ARMH3: variants seen among roughly 807,000 people sequenced by gnomAD.
ARMH3 encodes armadillo-like helical domain-containing protein 3.
Under a neutral mutation model 99.1 loss-of-function variants are expected in ARMH3, and 60 were observed. That is an observed-to-expected ratio of 0.61 (90% CI 0.49 to 0.75). ARMH3 has a LOEUF of 0.75. ARMH3 is among the 30% of genes least tolerant of loss of function. ARMH3 has a pLI of 0.00. For synonymous variants in ARMH3, 285 were observed against 292.8 expected (o/e 0.97, Z 0.27); for missense variants, 679 against 843.1 (o/e 0.81, Z 2.41).
intron 24 of ARMH3, among the ~76,000 whole-genome samples, chr10:101,851,807 T>A (rs1163597011): frequency 6.6e-6 from 1 of 152,200 alleles, no homozygotes; most frequent in Non-Finnish European, 1.5e-5. Context: ...CTCTACAAGA[T>A]CATTTTGCCT....
At chr10:101,961,488 A>G (rs1253187819) in intron 20 of ARMH3, among the ~76,000 whole-genome samples, 1 of 152,196 alleles carries the variant, frequency 6.6e-6, no homozygotes, top group African/African-American at 2.4e-5. Context: ...TATGGGTATA[A>G]ACAATTAATA....
chr10:102,023,795 GA>G (rs1193073287), intron 6 of ARMH3, 46 bp from the exon 7 acceptor site: 2 of 1,535,326 alleles, frequency 1.3e-6, no homozygotes, highest in African/African-American at 2.7e-5. Flanking sequence ...GAGGTATTCT[GA>G]TATCTTGTGT....
chr10:101,940,743 G>T (rs569987111), intron 22 of ARMH3, among the ~76,000 whole-genome samples: 1 of 152,120 alleles, frequency 6.6e-6, no homozygotes, highest in Non-Finnish European at 1.5e-5. Context: ...CCTGCAAAAT[G>T]AATCTACAAG....
intron 19 of ARMH3, among the ~76,000 whole-genome samples, chr10:101,980,367 C>T (rs573569788): frequency 2.0e-5 from 3 of 152,164 alleles, no homozygotes; most frequent in South Asian, 2.1e-4. Context: ...GGCATGATCT[C>T]GGCTCACTGC....
chr10:102,048,784 T>C (rs1298125709), intron 1 of ARMH3, among the ~76,000 whole-genome samples: 1 of 152,176 alleles, frequency 6.6e-6, no homozygotes, highest in Non-Finnish European at 1.5e-5. Flanking sequence ...CCAGTAAGTC[T>C]CCTGTCCTGA....
intron 2 of ARMH3, among the ~76,000 whole-genome samples, chr10:102,036,145 C>T (rs2067255902): frequency 6.6e-6 from 1 of 150,448 alleles, no homozygotes; most frequent in African/African-American, 2.4e-5. Context: ...GCCAGCCGCC[C>T]CATCCGGGAG....
chr10:101,847,457 C>T lies in ARMH3; in HGVS notation c.*71G>A. On this transcript the variant is annotated 3_prime_UTR_variant, in exon 26 of 26. Transcript: ENST00000370033. ...CCAACCTCGGGGGCAGCCCCCTCTC[C>T]CCTCGCTCCCCCTCCAGCCCATGAT... is the stretch of plus-strand genomic sequence containing the variant. 2.7e-6 allele frequency: 4 copies of T among 1,490,740 alleles called. No individual in the cohort carries two copies. Among genetic ancestry groups the T allele is most frequent in the South Asian group, 1.1e-5 (1 of 88,184 alleles). 92.3% of individuals were successfully genotyped at this position (1,490,740 alleles called of 1,614,324 possible).
intron 23 of ARMH3, among the ~76,000 whole-genome samples, chr10:101,910,772 G>A (rs537085783): frequency 1.3e-5 from 2 of 149,568 alleles, no homozygotes; most frequent in South Asian, 4.2e-4. Context: ...GTAATACAAG[G>A]GGATGATTTT....
intron 23 of ARMH3, among the ~76,000 whole-genome samples, chr10:101,891,475 G>A (rs1043933271): frequency 6.6e-6 from 1 of 152,150 alleles, no homozygotes; most frequent in African/African-American, 2.4e-5. Context: ...GGGATTACAG[G>A]TGTGAGCCAC....
chr10:101,887,712 T>A (rs1478296005), intron 24 of ARMH3, among the ~76,000 whole-genome samples: 1 of 150,292 alleles, frequency 6.7e-6, no homozygotes, highest in South Asian at 2.1e-4. Context: ...GGATTACAAG[T>A]GTGAGCCACC....
intron 22 of ARMH3, among the ~76,000 whole-genome samples, chr10:101,949,362 A>G (rs1844690517): frequency 6.6e-6 from 1 of 151,936 alleles, no homozygotes; most frequent in Non-Finnish European, 1.5e-5. Context: ...GAAAAAAAAA[A>G]AGAGAAAATA....
chr10:102,046,810 A>G (rs2067564988), intron 1 of ARMH3, among the ~76,000 whole-genome samples: 1 of 152,204 alleles, frequency 6.6e-6, no homozygotes, highest in South Asian at 2.1e-4. Context: ...ATCTATACAT[A>G]AACAAAGCTG....
Position 102,001,994 on chromosome 10 carries a change from G to T in ARMH3, c.1127C>A (p.Ser376Ter). 1 of 1,614,076 alleles carries T rather than the reference G, an allele frequency of 6.2e-7. No individual in the cohort carries two copies. The highest frequency in any genetic ancestry group is 1.1e-5 in the South Asian group (1 of 91,074). The stretch of plus-strand genomic sequence containing the variant: ...ACCTTTGGTGTCCTGCATGACAATT[G>T]AGCTATACTTTAAAAAGGTTATCAG... ...NLLITFLKYS[S>*]IVMQDTKDEH... The change falls in exon 15 of 26, where the codon TCA (serine) becomes TAA (stop). Residue 376 changes from serine (S) to a stop codon, truncating the protein, a stop_gained. Coordinates refer to ENST00000370033, the MANE Select transcript of ARMH3 (RefSeq NM_024541.3). LOFTEE classifies it high-confidence loss of function.
chr10:101,957,517 G>A (rs918756770), intron 21 of ARMH3, 133 bp downstream of exon 21: 11 of 946,912 alleles, frequency 1.2e-5, no homozygotes, highest in East Asian at 8.4e-5. Flanking sequence ...GTCCAGATTC[G>A]GATCCAAAAA....
At chr10:101,942,121 A>G (rs553396353) in intron 22 of ARMH3, among the ~76,000 whole-genome samples, 1 of 152,314 alleles carries the variant, frequency 6.6e-6, no homozygotes, top group East Asian at 1.9e-4. Context: ...TTCTTTTCTA[A>G]GCTACCAAAC....
intron 5 of ARMH3, 43 bp from the exon 6 acceptor site, chr10:102,025,291 A>G (rs775345038): frequency 6.6e-7 from 1 of 1,507,578 alleles, no homozygotes; most frequent in East Asian, 2.3e-5. Flanking sequence ...ACCAGATAAC[A>G]CCCCACCTTT....
intron 24 of ARMH3, among the ~76,000 whole-genome samples, chr10:101,887,561 G>A (rs1278184772): frequency 2.8e-5 from 4 of 145,296 alleles, no homozygotes; most frequent in Admixed American, 6.9e-5. Flanking sequence ...ACACCACCAC[G>A]TCTGGCTAAT....
At chr10:101,919,484 T>C (rs1005844170) in intron 23 of ARMH3, among the ~76,000 whole-genome samples, 10 of 152,202 alleles carry the variant, frequency 6.6e-5, no homozygotes, top group Non-Finnish European at 1.2e-4. Flanking sequence ...TTTCCCTTAA[T>C]AGTCCCATCT....
intron 20 of ARMH3, among the ~76,000 whole-genome samples, chr10:101,961,225 C>T (rs1451615743): frequency 2.0e-5 from 3 of 152,168 alleles, no homozygotes; most frequent in African/African-American, 7.2e-5. Flanking sequence ...GCCTCTCTGC[C>T]AGCTCCTTGG....
Sources: allele counts gnomAD v4.1 joint callset (sites outside exome capture counted in the v4.1 genomes callset), GRCh38; gene constraint gnomAD v4.1.1; transcripts MANE v1.5; gene names NCBI Gene and HGNC (gene_info 2026-07-23, HGNC 2026-07-21).